The following SMG1 variants were observed in gnomAD, a reference collection of about 807,000 sequenced individuals.
SMG1 encodes serine/threonine-protein kinase SMG1.
SMG1 carries 22 observed loss-of-function variants against 419.9 expected under a neutral mutation model. That is an observed-to-expected ratio of 0.05 (90% CI 0.04 to 0.07). SMG1 has a LOEUF of 0.07. SMG1 is among the 10% of genes least tolerant of loss of function. The pLI, the probability that SMG1 is intolerant of heterozygous loss-of-function variation, is 1.00. For missense variants in SMG1, 3,185 were observed against 4,342.0 expected (o/e 0.73, Z 7.49); for synonymous variants, 1,538 against 1,553.5 (o/e 0.99, Z 0.23).
chr16:18,870,687 T>C lies in SMG1; in HGVS notation c.2415A>G (p.Gln805=), dbSNP rs375152775. 1.6e-3 allele frequency: 2,583 copies of C among 1,608,972 alleles called. 3 individuals are homozygous for C. Among genetic ancestry groups the C allele is most frequent in the Non-Finnish European group, 2.0e-3 (2,351 of 1,178,364 alleles). ...LQRCVDVCRV[Q]LVHSGTRIRQ... is the part of the protein sequence containing the mutation. The stretch of plus-strand genomic sequence containing the variant: ...GAATACGAGTTCCACTGTGCACTAG[T>C]TGAACACGGCAAACATCGACACATC... The change falls in exon 18 of 63, where the codon CAA becomes CAG. Residue 805 remains glutamine, a synonymous_variant. Coordinates refer to ENST00000446231, the MANE Select transcript of SMG1 (RefSeq NM_015092.5).
chr16:18,903,728 C>T (rs1358141946), intron 1 of SMG1, among the ~76,000 whole-genome samples: 2 of 152,208 alleles, frequency 1.3e-5, no homozygotes, highest in Non-Finnish European at 2.9e-5. Flanking sequence ...AGAGCCAGAA[C>T]TCAGACCCAG....
chr16:18,814,367 C>T (rs974073646), intron 60 of SMG1, among the ~76,000 whole-genome samples: 11 of 151,034 alleles, frequency 7.3e-5, no homozygotes, highest in Non-Finnish European at 1.0e-4. Context: ...GGCATGGTGG[C>T]GAGCACCTGT....
chr16:18,849,979 A>G lies in SMG1; in HGVS notation c.5431T>C (p.Leu1811=). 6.2e-7 allele frequency: 1 copy of G among 1,613,958 alleles called. No individual in the cohort carries two copies. The highest frequency in any genetic ancestry group is 1.3e-5 in the African/African-American group (1 of 75,044). The change falls in exon 35 of 63, where the codon TTG becomes CTG. Residue 1811 remains leucine (L), a synonymous_variant. Coordinates refer to ENST00000446231, the MANE Select transcript of SMG1 (RefSeq NM_015092.5). The part of the protein sequence containing the change: ...GELRQYLEHG[L]ETTPTAPWRG... ...CATGGTGCAGTGGGTGTTGTCTCCA[A>G]GCCGTGCTCCAGATACTGCCGAAGC...
chr16:18,915,262 T>C (rs1201623587), intron 1 of SMG1, among the ~76,000 whole-genome samples: 1 of 152,040 alleles, frequency 6.6e-6, no homozygotes. Context: ...TGTGAGCCAC[T>C]GCACGTGGCC....
chr16:18,869,797 G>C, intron 19 of SMG1, 57 bp downstream of exon 19: 1 of 1,478,014 alleles, frequency 6.8e-7, no homozygotes, highest in Non-Finnish European at 9.3e-7. Context: ...TGCATGTAAA[G>C]TCAAAAGAAT....
At chr16:18,908,122 T>C (rs549480339) in intron 1 of SMG1, among the ~76,000 whole-genome samples, 20 of 152,060 alleles carry the variant, frequency 1.3e-4, no homozygotes, top group Admixed American at 2.6e-4. Context: ...TCCCAGCTGT[T>C]TGGGAGCCTG....
chr16:18,919,985 G>A (rs1285782954), intron 1 of SMG1, among the ~76,000 whole-genome samples: 1 of 151,852 alleles, frequency 6.6e-6, no homozygotes. Flanking sequence ...CAGCTACTCG[G>A]GAGGCTGAGG....
intron 1 of SMG1, chr16:18,924,995 G>A (rs1277791971): frequency 6.6e-5 from 10 of 152,256 alleles, no homozygotes; most frequent in East Asian, 1.9e-4. Flanking sequence ...CAAAGTAGGA[G>A]AGTTCCATGA....
intron 55 of SMG1, among the ~76,000 whole-genome samples, chr16:18,821,104 T>C (rs373467331): frequency 3.9e-4 from 59 of 152,200 alleles, no homozygotes; most frequent in African/African-American, 1.4e-3. Flanking sequence ...ACTACTTATA[T>C]ACATTTCACA....
Position 18,872,269 on chromosome 16 carries a change from T to C in SMG1, c.2098A>G (p.Thr700Ala). 3 of 1,595,244 alleles carry C rather than the reference T, an allele frequency of 1.9e-6. No individual in the cohort carries two copies. The highest frequency in any genetic ancestry group is 2.6e-6 in the Non-Finnish European group (3 of 1,168,134). The change falls in exon 15 of 63, where the codon ACT becomes GCT. Residue 700 changes from threonine (T) to alanine (A), a missense_variant. By Grantham distance (58) the Thr-to-Ala change is moderately conservative (BLOSUM62 0). Around this residue, in one of 27 missense-constraint regions of SMG1, gnomAD observed 297 missense variants for 491.0 expected, o/e 0.60. Coordinates refer to ENST00000446231, the MANE Select transcript of SMG1 (RefSeq NM_015092.5). Reference protein sequence around the residue: ...LFDGAVISTVTTATKKHFSII... With the variant: ...LFDGAVISTVATATKKHFSII... ...GAGAAATGTTTCTTTGTAGCCGTAGTTACAGTGCTAATCACAGCTCCATCA... is the reference window on the plus strand; with the variant it reads ...GAGAAATGTTTCTTTGTAGCCGTAGCTACAGTGCTAATCACAGCTCCATCA...
Position 18,838,240 on chromosome 16 carries a change from C to T in SMG1, c.7195-8G>A. On this transcript the variant is annotated splice_region_variant and splice_polypyrimidine_tract_variant and intron_variant, in intron 44 of 62. Transcript: ENST00000446231. ...CCGCATAATGTGTAAAACCTGTTTT[C>T]AGGAGAGTTTTTAAAATAAGGTCTG... 6.2e-7 allele frequency: 1 copy of T among 1,609,298 alleles called. No individual in the cohort carries two copies. The highest frequency in any genetic ancestry group is 8.5e-7 in the Non-Finnish European group (1 of 1,177,194).
intron 19 of SMG1, among the ~76,000 whole-genome samples, chr16:18,869,600 A>G (rs1262278668): frequency 6.7e-6 from 1 of 150,324 alleles, no homozygotes; most frequent in Non-Finnish European, 1.5e-5. Context: ...CCCATTCCCC[A>G]AAGTGTTAAT....
At chr16:18,836,305 CAT>C (rs1445374749) in intron 47 of SMG1, 53 bp downstream of exon 47, 11 of 1,594,656 alleles carry the variant, frequency 6.9e-6, no homozygotes, top group South Asian at 3.4e-5. Context: ...CACAAACACA[CAT>C]GACTATAAAA....
chr16:18,835,813 T>C, intron 48 of SMG1, 120 bp downstream of exon 48: 1 of 913,378 alleles, frequency 1.1e-6, no homozygotes, highest in Non-Finnish European at 1.6e-6. Flanking sequence ...GCAGAGGAAT[T>C]GCTTGAACCT....
At chr16:18,837,556 G>C (rs2033653941) in intron 45 of SMG1, 113 bp from the exon 46 acceptor site, 1 of 870,266 alleles carries the variant, frequency 1.1e-6, no homozygotes, top group Admixed American at 2.9e-5. Context: ...ACCCGAAAGG[G>C]GTGATGCGTT....
rs372689174 is a variant in SMG1 at position 18,849,300 on chromosome 16, C to T, written c.5540G>A (p.Arg1847His). ...VRQSICNLLC[R>H]VAQDSPHLIL... Reference sequence around the variant, plus strand: ...GAGATGTGGGGAATCTTGAGCCACACGGCAGAGAAGGTTACAAATACTTTG... The same window carrying T: ...GAGATGTGGGGAATCTTGAGCCACATGGCAGAGAAGGTTACAAATACTTTG... The change falls in exon 36 of 63, where the codon CGT (arginine) becomes CAT (histidine). Residue 1847 changes from arginine (R) to histidine (H), a missense_variant. Physicochemically the swap from Arg to His is conservative, Grantham distance 29 (BLOSUM62 0). This residue lies in a region of SMG1 where 130 missense variants were observed against 162.0 expected (regional missense o/e 0.80). Coordinates refer to ENST00000446231, the MANE Select transcript of SMG1 (RefSeq NM_015092.5). The T allele has an allele frequency of 5.6e-6, 9 of 1,613,420 alleles. No individual in the cohort carries two copies. Among genetic ancestry groups the T allele is most frequent in the East Asian group, 2.2e-5 (1 of 44,868 alleles).
At chr16:18,812,745 T>C (rs1316451742) in intron 60 of SMG1, among the ~76,000 whole-genome samples, 1 of 152,130 alleles carries the variant, frequency 6.6e-6, no homozygotes, top group African/African-American at 2.4e-5. Flanking sequence ...TATGTATACA[T>C]GTGCCATGTT....
chr16:18,878,234 T>C (rs534899040), intron 11 of SMG1: 1 of 151,338 alleles, frequency 6.6e-6, no homozygotes, highest in Non-Finnish European at 1.5e-5. Flanking sequence ...AAACCCCGTC[T>C]GTACTAAAAA....
chr16:18,829,855 G>A, intron 53 of SMG1, 71 bp downstream of exon 53: 1 of 1,429,798 alleles, frequency 7.0e-7, no homozygotes, highest in East Asian at 2.4e-5. Context: ...ATTAAATTAA[G>A]CCTACTCTAT....
Sources: allele counts gnomAD v4.1 joint callset (sites outside exome capture counted in the v4.1 genomes callset), GRCh38; gene constraint gnomAD v4.1.1; regional missense constraint gnomAD v4.1.1; transcripts MANE v1.5; gene names NCBI Gene and HGNC (gene_info 2026-07-23, HGNC 2026-07-21).